IRS1: variants seen among roughly 807,000 people sequenced by gnomAD.
IRS1 encodes the protein insulin receptor substrate 1.
A neutral mutation model predicts 65.6 loss-of-function variants in IRS1; 34 were observed. The observed-to-expected ratio is 0.52, with a 90% confidence interval of 0.39 to 0.69. The LOEUF (loss-of-function observed/expected upper bound fraction) is 0.69, where lower values mean the gene tolerates loss of function less well. Among genes scored for constraint, IRS1 ranks in the 30% least tolerant of loss-of-function variants. IRS1 has a pLI of 0.00. For synonymous variants in IRS1, 699 were observed against 683.5 expected (o/e 1.02, Z -0.35); for missense variants, 1,641 against 1,720.2 (o/e 0.95, Z 0.81).
At position 226,797,611 on chromosome 2, in the gene IRS1, G is replaced by T; in HGVS notation, c.1128C>A (p.Pro376=). Residue 376 remains proline, a synonymous_variant, in exon 1 of 2, where the codon CCC becomes CCA. Coordinates refer to ENST00000305123, the MANE Select transcript of IRS1 (RefSeq NM_005544.3). This position sits in a 1 kb window ranked among gnomAD's most constrained non-coding sequence, Gnocchi z 8.1. ...HPPLNHSRSI[P]MPASRCSPSA... ...AAGGCGAGCAGCGGGAAGCCGGCAT[G>T]GGGATGGAGCGGCTGTGGTTGAGCG... 2 of 1,588,720 alleles carry T rather than the reference G, an allele frequency of 1.3e-6. No homozygotes were observed. The highest frequency in any genetic ancestry group is 8.5e-7 in the Non-Finnish European group (1 of 1,171,648).
In IRS1 at chr2:226,799,481, G is replaced by A; in HGVS notation, c.-743C>T. 6.9e-6 allele frequency: 8 copies of A among 1,167,100 alleles called. No homozygotes were observed. The highest frequency in any genetic ancestry group is 8.7e-6 in the Non-Finnish European group (8 of 923,146). The allele number at this position is 1,167,100 out of a possible 1,614,324, so 72.3% of individuals were successfully genotyped here. On this transcript the variant is annotated 5_prime_UTR_variant, in exon 1 of 2. Transcript: ENST00000305123. The surrounding 1 kb of genome is among the most constrained non-coding windows in gnomAD (Gnocchi z 6.1). Reference sequence around the variant, plus strand: ...GGCTTTTCCATGCGAAACGATACCGGGCAGCCACTGCAGCTGGGGACCGGC... The same window carrying A: ...GGCTTTTCCATGCGAAACGATACCGAGCAGCCACTGCAGCTGGGGACCGGC...
At chr2:226,756,478 A>AG (rs1196928043) in intron 1 of IRS1, among the ~76,000 whole-genome samples, 1 of 152,220 alleles carries the variant, frequency 6.6e-6, no homozygotes, top group Non-Finnish European at 1.5e-5. Flanking sequence ...GATGAAGAAA[A>AG]GAAAAAAAAC....
rs563377583 is a variant in IRS1 at position 226,765,354 on chromosome 2, C to G, written c.*22-29104G>C. Reference sequence around the variant, plus strand: ...GATAATGCCTTTAAATTTTTATTGACTAACAAGTAGCAAAAACTCTTACTG... The same window carrying G: ...GATAATGCCTTTAAATTTTTATTGAGTAACAAGTAGCAAAAACTCTTACTG... On this transcript the variant is annotated intron_variant, in intron 1 of 1. Transcript: ENST00000305123. 1.4e-4 allele frequency among the ~76,000 whole-genome samples: 21 copies of G among 152,290 alleles called. 1 individual carries two copies. The South Asian group carries it at 4.1e-3, about 30-fold the overall frequency.
At chr2:226,765,929 T>C (rs1208082528) in intron 1 of IRS1, among the ~76,000 whole-genome samples, 1 of 151,286 alleles carries the variant, frequency 6.6e-6, no homozygotes, top group Non-Finnish European at 1.5e-5. Context: ...TAACAAAGCA[T>C]GTTTTAATTG....
At position 226,745,657 on chromosome 2, in the gene IRS1, T is replaced by C. The variant is rs115074430; in HGVS notation, c.*22-9407A>G. On this transcript the variant is annotated intron_variant, in intron 1 of 1. Transcript: ENST00000305123. Reference sequence around the variant, plus strand: ...GATTAAATGAGATAATACATGACATTTTCTTATCATTGTGCCTGACACATA... The same window carrying C: ...GATTAAATGAGATAATACATGACATCTTCTTATCATTGTGCCTGACACATA... Among the ~76,000 whole-genome samples, 702 of 152,340 alleles carry C rather than the reference T, an allele frequency of 4.6e-3. 5 individuals are homozygous for C. The highest frequency in any genetic ancestry group is 0.016 in the African/African-American group (664 of 41,584).
intron 1 of IRS1, among the ~76,000 whole-genome samples, chr2:226,748,932 TAAG>T (rs1431399705): frequency 1.3e-5 from 2 of 152,122 alleles, no homozygotes; most frequent in Non-Finnish European, 2.9e-5. Flanking sequence ...GAGGCAGTGG[TAAG>T]AAGAACAGAT....
rs145897993 is a variant in IRS1 at position 226,758,877 on chromosome 2, T to C, written c.*22-22627A>G. On this transcript the variant is annotated intron_variant, in intron 1 of 1. Coordinates refer to ENST00000305123, the MANE Select transcript of IRS1 (RefSeq NM_005544.3). ...ATATCCAAGGAAGTGAAATTTGTGA[T>C]GCTCTACAGATAGATACAGGTACTG... 2.0e-4 allele frequency among the ~76,000 whole-genome samples: 30 copies of C among 152,378 alleles called. 1 individual carries two copies. Among genetic ancestry groups the C allele is most frequent in the African/African-American group, 6.7e-4 (28 of 41,592 alleles).
At chr2:226,744,890 A>G (rs1938507345) in intron 1 of IRS1, among the ~76,000 whole-genome samples, 1 of 152,114 alleles carries the variant, frequency 6.6e-6, no homozygotes, top group African/African-American at 2.4e-5. Context: ...TATCAGGGGG[A>G]AAACGTTGAG....
At position 226,770,047 on chromosome 2, in the gene IRS1, T is replaced by C. The variant is rs552610688; in HGVS notation, c.*21+24942A>G. Among the ~76,000 whole-genome samples, 4 of 152,286 alleles carry C rather than the reference T, an allele frequency of 2.6e-5. No individual in the cohort carries two copies. In the South Asian group the frequency reaches 8.3e-4, roughly 32 times the overall value. On this transcript the variant is annotated intron_variant, in intron 1 of 1. Coordinates refer to ENST00000305123, the MANE Select transcript of IRS1 (RefSeq NM_005544.3). The stretch of plus-strand genomic sequence containing the variant: ...AGCAGTAATAAAGTCCTAGCAGTCA[T>C]GAATGCATTTTGAAAACTTTATGAC...
chr2:226,745,122 G>A (rs1341257306), intron 1 of IRS1, among the ~76,000 whole-genome samples: 1 of 152,184 alleles, frequency 6.6e-6, no homozygotes, highest in Non-Finnish European at 1.5e-5. Flanking sequence ...TCTGGGCTAT[G>A]ATAGTAATTC....
At chr2:226,740,584 A>G (rs1938417614) in intron 1 of IRS1, among the ~76,000 whole-genome samples, 1 of 152,220 alleles carries the variant, frequency 6.6e-6, no homozygotes, top group South Asian at 2.1e-4. Flanking sequence ...TGTGATGGAA[A>G]GATCTGTACA....
At chr2:226,784,624 T>C (rs1015480516) in intron 1 of IRS1, among the ~76,000 whole-genome samples, 1 of 152,128 alleles carries the variant, frequency 6.6e-6, no homozygotes, top group Non-Finnish European at 1.5e-5. Flanking sequence ...GGTTTCGCCA[T>C]GATGGCCAGG....
rs746777476 is a variant in IRS1, at chr2:226,796,593, G to A, written c.2146C>T (p.Pro716Ser). ...TTACCACCGCTGCTCTCCACTGGGG[G>A]TTTGGGGTGAGGCAAGACATGAGAG... ...HHSHVLPHPK[P>S]PVESSGGKLL... Residue 716 changes from proline (P) to serine (S), a missense_variant, in exon 1 of 2, where the codon CCC becomes TCC. Coordinates refer to ENST00000305123, the MANE Select transcript of IRS1 (RefSeq NM_005544.3). 1.4e-5 allele frequency: 22 copies of A among 1,613,958 alleles called. No homozygotes were observed. The South Asian group carries it at 1.9e-4, about 14-fold the overall frequency.
chr2:226,741,186 G>A (rs1356018972), intron 1 of IRS1, among the ~76,000 whole-genome samples: 1 of 152,062 alleles, frequency 6.6e-6, no homozygotes, highest in Non-Finnish European at 1.5e-5. Context: ...CCCTCAAAAA[G>A]TCTAAGTAGG....
chr2:226,776,456 G>A (rs895568786), intron 1 of IRS1, among the ~76,000 whole-genome samples: 5 of 152,188 alleles, frequency 3.3e-5, no homozygotes, highest in East Asian at 3.9e-4. Context: ...ATGGAAAGGC[G>A]GGAAAAGGCT....
intron 1 of IRS1, among the ~76,000 whole-genome samples, chr2:226,753,427 G>A (rs1007838139): frequency 6.6e-6 from 1 of 152,242 alleles, no homozygotes; most frequent in Admixed American, 6.5e-5. Context: ...ATTATGTCTA[G>A]GCAGAGTAGA....
chr2:226,774,522 TA>T (rs918994167), intron 1 of IRS1, among the ~76,000 whole-genome samples: 20 of 151,452 alleles, frequency 1.3e-4, no homozygotes, highest in African/African-American at 4.4e-4. Flanking sequence ...GAAAATGATG[TA>T]AAAAAAACAA....
chr2:226,789,676 AC>A (rs1939551732), intron 1 of IRS1, among the ~76,000 whole-genome samples: 1 of 152,184 alleles, frequency 6.6e-6, no homozygotes, highest in Admixed American at 6.5e-5. Flanking sequence ...CACAGTGTGC[AC>A]TGGTTAAAGC....
intron 1 of IRS1, among the ~76,000 whole-genome samples, chr2:226,737,199 T>G (rs181738386): frequency 6.6e-6 from 1 of 150,774 alleles, no homozygotes; most frequent in African/African-American, 2.4e-5. Context: ...GCTGTTTGGT[T>G]TTTTGTTCTT....
Sources: gnomAD v4.1 joint callset for allele counts (sites outside exome capture counted in the v4.1 genomes callset) on GRCh38, gnomAD v4.1.1 for gene constraint, Gnocchi (gnomAD v3.1) non-coding constraint, MANE v1.5 for transcripts, NCBI Gene and HGNC (gene_info 2026-07-23, HGNC 2026-07-21) for gene names.